KCNIP4: variants seen among roughly 807,000 people sequenced by gnomAD.
The protein encoded by KCNIP4 is Kv channel-interacting protein 4.
KCNIP4 carries 12 observed loss-of-function variants against 34.0 expected under a neutral mutation model. The observed-to-expected ratio is 0.35, with a 90% CI of 0.23 to 0.57. The LOEUF (loss-of-function observed/expected upper bound fraction) is 0.57, where lower values mean the gene tolerates loss of function less well. Among genes scored for constraint, KCNIP4 ranks in the 20% least tolerant of loss-of-function variants. The probability of loss-of-function intolerance (pLI) is 0.83; values close to 1 mark genes in which losing one functional copy is unlikely to be tolerated. For synonymous variants in KCNIP4, 124 were observed against 102.2 expected, an observed-to-expected ratio of 1.21 and a Z score of -1.29; for missense variants, 238 against 311.7, an observed-to-expected ratio of 0.76 and a Z score of 1.78.
At position 21,629,466 on chromosome 4, in the gene KCNIP4, G is replaced by A. The variant is rs571307087; in HGVS notation, c.61+319105C>T. 5.8e-4 allele frequency among the ~76,000 whole-genome samples: 89 copies of A among 152,234 alleles called. 1 individual carries two copies. The highest frequency in any genetic ancestry group is 1.0e-3 in the Admixed American group (16 of 15,286). On this transcript the variant is annotated intron_variant, in intron 1 of 8. Coordinates refer to ENST00000382152, the MANE Select transcript of KCNIP4 (RefSeq NM_025221.6). ...AGCTGTAGGCGCTTTCATGTGAAAT[G>A]CCCCTATTTGATGCCCTGTTAGAGT...
At chr4:21,189,369 AG>A in intron 1 of KCNIP4, among the ~76,000 whole-genome samples, 1 of 152,324 alleles carries the variant, frequency 6.6e-6, no homozygotes, top group East Asian at 1.9e-4. Flanking sequence ...TTCGAGAAAA[AG>A]CATCTTATGT....
At chr4:21,396,565 A>AAAT (rs1190739771) in intron 1 of KCNIP4, among the ~76,000 whole-genome samples, 1 of 150,836 alleles carries the variant, frequency 6.6e-6, no homozygotes, top group African/African-American at 2.4e-5. Context: ...AAAAAAAAAA[A>AAAT]AAAGAGGATT....
intron 1 of KCNIP4, among the ~76,000 whole-genome samples, chr4:21,342,623 A>C (rs1295863372): frequency 6.6e-6 from 1 of 152,132 alleles, no homozygotes; most frequent in African/African-American, 2.4e-5. Context: ...AGAACTTGAT[A>C]AGTAAAATTA....
intron 1 of KCNIP4, among the ~76,000 whole-genome samples, chr4:21,669,261 A>G (rs1749277409): frequency 6.6e-6 from 1 of 151,792 alleles, no homozygotes; most frequent in Admixed American, 6.6e-5. Context: ...TGTAGCTGGG[A>G]CCACAGGTGC....
chr4:21,345,313 A>G (rs1201551923), intron 1 of KCNIP4, among the ~76,000 whole-genome samples: 2 of 152,128 alleles, frequency 1.3e-5, no homozygotes, highest in African/African-American at 4.8e-5. Flanking sequence ...TCACTCAAGC[A>G]TTGAGTTGAC....
At position 20,922,516 on chromosome 4, in the gene KCNIP4, A is replaced by ACTGT. The variant is rs763750641; in HGVS notation, c.62-39811_62-39808dup. Among the ~76,000 whole-genome samples the ACTGT allele has an allele frequency of 5.8e-3, 826 of 143,306 alleles. 5 individuals are homozygous for ACTGT. Among genetic ancestry groups the ACTGT allele is most frequent in the African/African-American group, 0.018 (673 of 38,372 alleles). The allele number at this position is 143,306 out of a possible 152,430, so 94.0% of individuals were successfully genotyped here. A position where few individuals can be genotyped will look rare whatever the true frequency, so the allele number is the denominator to read the frequency against. Reference sequence around the variant, plus strand: ...GACTTCTAGACCTCATAATAGTGTGACTGTCTGTCTGTCTGTCTGTCTGTC... The same window carrying ACTGT: ...GACTTCTAGACCTCATAATAGTGTGACTGTCTGTCTGTCTGTCTGTCTGTCTGTC... On this transcript the variant is annotated intron_variant, in intron 1 of 8. Coordinates refer to ENST00000382152, the MANE Select transcript of KCNIP4 (RefSeq NM_025221.6).
At chr4:21,780,233 C>T (rs1048125991) in intron 1 of KCNIP4, among the ~76,000 whole-genome samples, 2 of 152,102 alleles carry the variant, frequency 1.3e-5, no homozygotes, top group Admixed American at 1.3e-4. Context: ...GATGTTGTCA[C>T]CTGAGCTTTG....
At chr4:21,595,424 C>T (rs1160998410) in intron 1 of KCNIP4, among the ~76,000 whole-genome samples, 2 of 152,084 alleles carry the variant, frequency 1.3e-5, no homozygotes, top group Non-Finnish European at 2.9e-5. Context: ...CAAGTCTTTG[C>T]TACTATGAAT....
chr4:20,961,492 CACAGGAAATGA>C (rs1178944219), intron 1 of KCNIP4, among the ~76,000 whole-genome samples: 2 of 151,964 alleles, frequency 1.3e-5, no homozygotes, highest in African/African-American at 4.8e-5. Flanking sequence ...TTCAAACTAC[CACAGGAAATGA>C]AAAAGAGTGT....
At chr4:21,041,718 G>A (rs767206561) in intron 1 of KCNIP4, among the ~76,000 whole-genome samples, 6 of 152,206 alleles carry the variant, frequency 3.9e-5, no homozygotes, top group East Asian at 1.9e-4. Context: ...AAACTTTTTC[G>A]TTTGGATAGT....
intron 1 of KCNIP4, among the ~76,000 whole-genome samples, chr4:21,200,942 C>T (rs1307910832): frequency 1.3e-5 from 2 of 152,118 alleles, no homozygotes; most frequent in African/African-American, 4.8e-5. Flanking sequence ...GCCACTTCCT[C>T]CACAGTCCCT....
intron 1 of KCNIP4, among the ~76,000 whole-genome samples, chr4:21,915,633 A>C (rs1728586821): frequency 6.6e-6 from 1 of 152,236 alleles, no homozygotes; most frequent in African/African-American, 2.4e-5. Context: ...ACATCTGTGC[A>C]TATGACATAA....
chr4:21,750,262 G>A (rs796426431), intron 1 of KCNIP4, among the ~76,000 whole-genome samples: 5 of 152,298 alleles, frequency 3.3e-5, no homozygotes, highest in African/African-American at 1.2e-4. Flanking sequence ...CAAAGCACAA[G>A]AGTAGTGATG....
At chr4:21,838,728 T>C (rs1412389224) in intron 1 of KCNIP4, among the ~76,000 whole-genome samples, 2 of 152,306 alleles carry the variant, frequency 1.3e-5, no homozygotes, top group South Asian at 2.1e-4. Flanking sequence ...CATTTGTATC[T>C]ATAGGGAGGT....
chr4:21,050,813 C>T (rs1256917595), intron 1 of KCNIP4, among the ~76,000 whole-genome samples: 1 of 152,130 alleles, frequency 6.6e-6, no homozygotes, highest in Non-Finnish European at 1.5e-5. Context: ...AGTTGGAGAT[C>T]AGAAGCATGC....
chr4:21,689,092 C>G (rs1751041985), intron 1 of KCNIP4, among the ~76,000 whole-genome samples: 1 of 151,948 alleles, frequency 6.6e-6, no homozygotes, highest in Non-Finnish European at 1.5e-5. Flanking sequence ...AGAAATAGTT[C>G]AGCAGAACCA....
At chr4:21,221,876 C>A (rs955437543) in intron 1 of KCNIP4, among the ~76,000 whole-genome samples, 1 of 152,142 alleles carries the variant, frequency 6.6e-6, no homozygotes, top group Non-Finnish European at 1.5e-5. Flanking sequence ...GATGGCCACA[C>A]GAATAAGTTT....
At chr4:21,423,690 A>G (rs1725688279) in intron 1 of KCNIP4, among the ~76,000 whole-genome samples, 1 of 152,242 alleles carries the variant, frequency 6.6e-6, no homozygotes, top group African/African-American at 2.4e-5. Context: ...ACAGAATTTT[A>G]AAATATCAGC....
intron 1 of KCNIP4, among the ~76,000 whole-genome samples, chr4:21,180,528 C>T (rs1423523426): frequency 1.3e-5 from 2 of 151,570 alleles, no homozygotes; most frequent in African/African-American, 4.8e-5. Flanking sequence ...ATAAATTAAT[C>T]ATTTTGGAGT....
Sources: gnomAD v4.1 joint callset for allele counts (sites outside exome capture counted in the v4.1 genomes callset) on GRCh38, gnomAD v4.1.1 for gene constraint, MANE v1.5 for transcripts, NCBI Gene and HGNC (gene_info 2026-07-23, HGNC 2026-07-21) for gene names.